The following DCLRE1C variants were observed in gnomAD, a reference collection of about 807,000 sequenced individuals.
DCLRE1C encodes the protein protein artemis.
In DCLRE1C, 47 loss-of-function variants were observed where a neutral mutation model predicts 61.4. The ratio of observed to expected loss-of-function variants is 0.77; its 90% confidence interval spans 0.61 to 0.98. The LOEUF is 0.98. Among genes scored for constraint, DCLRE1C ranks in the 50% least tolerant of loss-of-function variants. The pLI, the probability that DCLRE1C is intolerant of heterozygous loss-of-function variation, is 0.00. For synonymous variants in DCLRE1C, 337 were observed against 287.6 expected (o/e 1.17, Z -1.74); for missense variants, 858 against 816.0 (o/e 1.05, Z -0.63).
At chr10:14,949,273 G>T (rs41304330) in intron 1 of DCLRE1C, among the ~76,000 whole-genome samples, 186 bp from the exon 2 acceptor site, 1 of 152,118 alleles carries the variant, frequency 6.6e-6, no homozygotes, top group Non-Finnish European at 1.5e-5. Context: ...GAACAGGACC[G>T]GCTGCCCATT....
chr10:14,913,315 TGGGG>T (rs1426729178), intron 13 of DCLRE1C, among the ~76,000 whole-genome samples: 5 of 152,352 alleles, frequency 3.3e-5, no homozygotes, highest in Admixed American at 6.5e-5. Context: ...AATTAGATAG[TGGGG>T]ATGATTGTAC....
chr10:14,900,274 A>G (rs1403682122), downstream of DCLRE1C, among the ~76,000 whole-genome samples: 2 of 152,180 alleles, frequency 1.3e-5, no homozygotes, highest in Admixed American at 1.3e-4. Context: ...AAATTAGGGA[A>G]GTTAATAATT....
intron 13 of DCLRE1C, among the ~76,000 whole-genome samples, chr10:14,915,128 C>T (rs1048091559): frequency 2.0e-5 from 3 of 151,778 alleles, no homozygotes; most frequent in African/African-American, 7.3e-5. Context: ...GAAAACAAGA[C>T]AAATTTATGG....
At position 14,909,050 on chromosome 10, in the gene DCLRE1C, C is replaced by A. The variant is rs762916677; in HGVS notation, c.1437G>T (p.Leu479=). 10 of 1,614,006 alleles carry A rather than the reference C, an allele frequency of 6.2e-6. No individual in the cohort carries two copies. The African/African-American group carries it at 1.2e-4, about 19-fold the overall frequency. ...GGGGTACATCCCCATCAGCCTTTTG[C>A]AGGTGAAGTACAGAGCCCAGATCTC... ...LQGDLGSVLH[L]QKADGDVPQW... Residue 479 remains leucine, a synonymous_variant, in exon 14 of 14, where the codon CTG becomes CTT. Coordinates refer to ENST00000378278, the MANE Select transcript of DCLRE1C (RefSeq NM_001033855.3).
At chr10:14,939,009 G>A (rs1304854326) in intron 4 of DCLRE1C, among the ~76,000 whole-genome samples, 7 of 152,198 alleles carry the variant, frequency 4.6e-5, no homozygotes, top group Admixed American at 3.9e-4. Context: ...GTTTTATTAG[G>A]AGGCTTTTGG....
In DCLRE1C at chr10:14,904,801, G is replaced by A. The variant is rs1228086932; in HGVS notation, c.*3607C>T. 1.3e-5 allele frequency among the ~76,000 whole-genome samples: 2 copies of A among 152,160 alleles called. No homozygotes were observed. Among genetic ancestry groups the A allele is most frequent in the African/African-American group, 4.8e-5 (2 of 41,438 alleles). On this transcript the variant is annotated 3_prime_UTR_variant, in exon 14 of 14. Transcript: ENST00000378278. ...TCCATCATATTGGTTTCCTGAAGAT[G>A]TCAGAATTTTTCAGTGTAAGACAAA...
At chr10:14,916,239 T>C (rs1040957824) in intron 13 of DCLRE1C, among the ~76,000 whole-genome samples, 3 of 152,110 alleles carry the variant, frequency 2.0e-5, no homozygotes, top group African/African-American at 4.8e-5. Flanking sequence ...ACTGTAGTGG[T>C]AGTCTAGACA....
rs1177402353 is a variant in DCLRE1C at position 14,908,400 on chromosome 10, T to C, written c.*8A>G. On this transcript the variant is annotated 3_prime_UTR_variant, in exon 14 of 14. Coordinates refer to ENST00000378278, the MANE Select transcript of DCLRE1C (RefSeq NM_001033855.3). ...AGTGGTTGCTCTAGGTTGAAACGCT[T>C]TGAATTCTTAGGTATCTAAGAGTGA... is the stretch of plus-strand genomic sequence containing the variant. 2 of 1,609,626 alleles carry C rather than the reference T, an allele frequency of 1.2e-6. No individual in the cohort carries two copies. Among genetic ancestry groups the C allele is most frequent in the East Asian group, 2.2e-5 (1 of 44,844 alleles).
chr10:14,925,120 G>T (rs1837741034), intron 11 of DCLRE1C, among the ~76,000 whole-genome samples: 1 of 151,224 alleles, frequency 6.6e-6, no homozygotes, highest in East Asian at 2.0e-4. Context: ...TACCTTCACA[G>T]GAGGCATGCA....
rs576846381 is a variant in DCLRE1C at position 14,906,552 on chromosome 10, G to A, written c.*1856C>T. On this transcript the variant is annotated 3_prime_UTR_variant, in exon 14 of 14. Coordinates refer to ENST00000378278, the MANE Select transcript of DCLRE1C (RefSeq NM_001033855.3). ...TTAAAACTAAGTTTTAGTTAACAGTGAATATATACAAATGTGTATAGTTAT... is the reference window on the plus strand; with the variant it reads ...TTAAAACTAAGTTTTAGTTAACAGTAAATATATACAAATGTGTATAGTTAT... Among the ~76,000 whole-genome samples, 4 of 152,324 alleles carry A rather than the reference G, an allele frequency of 2.6e-5. No homozygotes were observed. Among genetic ancestry groups the A allele is most frequent in the Admixed American group, 2.6e-4 (4 of 15,294 alleles).
At chr10:14,945,401 G>A in intron 2 of DCLRE1C, 3 of 1,287,832 alleles carry the variant, frequency 2.3e-6, no homozygotes, top group Non-Finnish European at 3.0e-6. Flanking sequence ...AAATTACGCT[G>A]GCACAAAATC....
chr10:14,898,016 T>G (rs1420877105), exon 14 of DCLRE1C: 1 of 151,800 alleles, frequency 6.6e-6, no homozygotes, highest in East Asian at 1.9e-4. Flanking sequence ...TAACTTACTT[T>G]TGAACTGTGA....
At chr10:14,938,807 T>C (rs771493182) in intron 4 of DCLRE1C, among the ~76,000 whole-genome samples, 31 of 152,318 alleles carry the variant, frequency 2.0e-4, no homozygotes, top group Middle Eastern at 6.8e-3. Context: ...ACTCAGTAAA[T>C]GTGACAATAA....
At position 14,919,795 on chromosome 10, in the gene DCLRE1C, G is replaced by T. The variant is rs1836799326; in HGVS notation, c.1099C>A (p.Pro367Thr). Residue 367 changes from proline to threonine, a missense_variant, in exon 13 of 14, where the codon CCA becomes ACA. Physicochemically the swap from Pro to Thr is conservative, Grantham distance 38 (BLOSUM62 -1). Transcript: ENST00000378278. The stretch of plus-strand genomic sequence containing the variant: ...AGTTTTCCCAGTGGTTTATACTTTG[G>T]CTCCGTACTTTGGGAAGACCGGCAT... ...PLCRSSQSTE[P>T]KYKPLGKLKR... is the part of the protein sequence containing the mutation. 17 of 1,613,776 alleles carry T rather than the reference G, an allele frequency of 1.1e-5. No homozygotes were observed. Among genetic ancestry groups the T allele is most frequent in the Non-Finnish European group, 1.4e-5 (17 of 1,179,950 alleles).
intron 1 of DCLRE1C, among the ~76,000 whole-genome samples, chr10:14,952,616 CA>C (rs912374641): frequency 1.3e-5 from 2 of 151,946 alleles, no homozygotes; most frequent in Non-Finnish European, 2.9e-5. Flanking sequence ...ATTAGCTAGG[CA>C]TGGTGGCTGA....
intron 13 of DCLRE1C, among the ~76,000 whole-genome samples, chr10:14,912,041 T>G (rs2131809499): frequency 6.6e-6 from 1 of 152,322 alleles, no homozygotes; most frequent in East Asian, 1.9e-4. Flanking sequence ...TAAAACAGAT[T>G]GACCATATGT....
intron 11 of DCLRE1C, among the ~76,000 whole-genome samples, chr10:14,924,702 G>T (rs551115905): frequency 6.6e-6 from 1 of 152,042 alleles, no homozygotes; most frequent in East Asian, 1.9e-4. Context: ...CAAAAAATTA[G>T]CTGGGTGTGG....
chr10:14,917,541 A>G (rs1836406408), intron 13 of DCLRE1C, among the ~76,000 whole-genome samples: 1 of 152,114 alleles, frequency 6.6e-6, no homozygotes, highest in Admixed American at 6.5e-5. Flanking sequence ...ACTTAGTAAT[A>G]TGATGGGTGC....
At chr10:14,922,731 C>T (rs1220751855) in intron 12 of DCLRE1C, among the ~76,000 whole-genome samples, 1 of 152,128 alleles carries the variant, frequency 6.6e-6, no homozygotes, top group Non-Finnish European at 1.5e-5. Context: ...TGGCCAAGCT[C>T]ACACTGCACT....
Sources: gnomAD v4.1 joint callset for allele counts (sites outside exome capture counted in the v4.1 genomes callset) on GRCh38, gnomAD v4.1.1 for gene constraint, MANE v1.5 for transcripts, NCBI Gene and HGNC (gene_info 2026-07-23, HGNC 2026-07-21) for gene names.